MNAT1: variants seen among roughly 807,000 people sequenced by gnomAD.
The protein encoded by MNAT1 is CDK-activating kinase assembly factor MAT1.
In MNAT1, 43 loss-of-function variants were observed where a neutral mutation model predicts 42.0. That is an observed-to-expected ratio of 1.02 (90% CI 0.80 to 1.32). The LOEUF is 1.32. MNAT1 is among the 40% of genes most tolerant of loss of function. The pLI is 0.00. For missense variants in MNAT1, 306 were observed against 350.4 expected, an observed-to-expected ratio of 0.87 and a Z score of 1.01; for synonymous variants, 118 against 120.0, an observed-to-expected ratio of 0.98 and a Z score of 0.11.
At chr14:60,887,293 G>A (rs2034699620) in intron 7 of MNAT1, among the ~76,000 whole-genome samples, 1 of 151,280 alleles carries the variant, frequency 6.6e-6, no homozygotes, top group Non-Finnish European at 1.5e-5. Context: ...CAATGTGCAG[G>A]TTAGTTACAT....
At chr14:60,876,339 T>C (rs912368975) in intron 6 of MNAT1, among the ~76,000 whole-genome samples, 4 of 152,024 alleles carry the variant, frequency 2.6e-5, no homozygotes, top group African/African-American at 9.7e-5. Flanking sequence ...ACACTTTTTT[T>C]CTCTTTTTCC....
intron 6 of MNAT1, among the ~76,000 whole-genome samples, chr14:60,839,545 C>T (rs1418476993): frequency 6.6e-6 from 1 of 152,186 alleles, no homozygotes; most frequent in Non-Finnish European, 1.5e-5. Context: ...GTAACACAAA[C>T]AGGACTGAAA....
intron 6 of MNAT1, among the ~76,000 whole-genome samples, chr14:60,825,161 C>A (rs1208168579): frequency 1.3e-5 from 2 of 152,128 alleles, no homozygotes; most frequent in Admixed American, 6.6e-5. Flanking sequence ...ATAGCCAATC[C>A]TCAGCCTCAT....
intron 6 of MNAT1, among the ~76,000 whole-genome samples, chr14:60,831,787 C>T (rs918941092): frequency 4.6e-5 from 7 of 152,160 alleles, no homozygotes; most frequent in Non-Finnish European, 8.8e-5. Context: ...AATTTACACT[C>T]CCACCAACAG....
intron 7 of MNAT1, among the ~76,000 whole-genome samples, chr14:60,909,125 T>A (rs566031080): frequency 1.3e-5 from 2 of 152,370 alleles, no homozygotes; most frequent in South Asian, 4.1e-4. Context: ...TCTCTTCTTT[T>A]GAGAAGTGTG....
chr14:60,848,936 G>A (rs566825479), intron 6 of MNAT1, among the ~76,000 whole-genome samples: 2 of 152,256 alleles, frequency 1.3e-5, no homozygotes, highest in East Asian at 1.9e-4. Flanking sequence ...TCTGGACTAT[G>A]TCACTGTCAA....
chr14:60,935,994 G>A (rs987370735), intron 7 of MNAT1, among the ~76,000 whole-genome samples: 2 of 152,154 alleles, frequency 1.3e-5, no homozygotes, highest in African/African-American at 4.8e-5. Flanking sequence ...AGCACAGTGA[G>A]ATGGACTCCT....
At chr14:60,871,595 T>A (rs1335130537) in intron 6 of MNAT1, among the ~76,000 whole-genome samples, 1 of 152,080 alleles carries the variant, frequency 6.6e-6, no homozygotes, top group Non-Finnish European at 1.5e-5. Flanking sequence ...TTTAATTGGG[T>A]CATTTTGTCT....
At chr14:60,871,826 T>C (rs1461773970) in intron 6 of MNAT1, among the ~76,000 whole-genome samples, 16 of 152,112 alleles carry the variant, frequency 1.1e-4, no homozygotes, top group Non-Finnish European at 1.5e-5. Context: ...TTTCACCATG[T>C]CGGCCAGGCT....
At chr14:60,877,964 G>A (rs2034469711) in intron 6 of MNAT1, among the ~76,000 whole-genome samples, 1 of 151,926 alleles carries the variant, frequency 6.6e-6, no homozygotes, top group Non-Finnish European at 1.5e-5. Flanking sequence ...TGGTAAGTTA[G>A]TTTGATATCA....
intron 1 of MNAT1, among the ~76,000 whole-genome samples, chr14:60,771,253 A>G (rs2031043225): frequency 6.6e-6 from 1 of 152,052 alleles, no homozygotes; most frequent in South Asian, 2.1e-4. Context: ...AAAAAAATTC[A>G]GATGTGAAGT....
At chr14:60,834,948 C>G (rs1048100290) in intron 6 of MNAT1, among the ~76,000 whole-genome samples, 1 of 145,146 alleles carries the variant, frequency 6.9e-6, no homozygotes, top group African/African-American at 2.6e-5. Flanking sequence ...TTCCTTCCTT[C>G]CTTCCTTCCT....
intron 5 of MNAT1, among the ~76,000 whole-genome samples, chr14:60,818,413 T>C (rs2032780638): frequency 6.6e-6 from 1 of 152,058 alleles, no homozygotes; most frequent in Non-Finnish European, 1.5e-5. Context: ...TTATAGTACT[T>C]TGTACTACTC....
At chr14:60,843,431 C>T (rs796850246) in intron 6 of MNAT1, among the ~76,000 whole-genome samples, 13 of 152,092 alleles carry the variant, frequency 8.5e-5, no homozygotes, top group East Asian at 1.9e-4. Flanking sequence ...CCACCATGCC[C>T]GGCTAATTTT....
intron 4 of MNAT1, 63 bp downstream of exon 4, chr14:60,808,491 T>A: frequency 2.0e-6 from 2 of 1,001,004 alleles, no homozygotes; most frequent in Non-Finnish European, 2.9e-6. Context: ...CATGATACTT[T>A]AAAAAGCCAT....
In MNAT1 at chr14:60,734,799, G is replaced by A. The variant is rs1896254856; in HGVS notation, c.-64G>A. On this transcript the variant is annotated 5_prime_UTR_variant, in exon 1 of 8. Transcript: ENST00000261245. The surrounding 1 kb of genome is among the most constrained non-coding windows in gnomAD (Gnocchi z 4.3). The stretch of plus-strand genomic sequence containing the variant: ...TAGGAACCTGCTTGGTCGCGTCTGA[G>A]GGGGCTTGTAGGTGGCTCTGGCTGA... The A allele has an allele frequency of 5.3e-6, 8 of 1,508,980 alleles. No individual in the cohort carries two copies. The highest frequency in any genetic ancestry group is 4.5e-5 in the East Asian group (2 of 44,320). 93.5% of individuals were successfully genotyped at this position (1,508,980 alleles called of 1,614,324 possible). A position where few individuals can be genotyped will look rare whatever the true frequency, so the allele number is the denominator to read the frequency against.
intron 6 of MNAT1, among the ~76,000 whole-genome samples, chr14:60,863,253 T>C (rs1370824593): frequency 3.3e-5 from 5 of 152,226 alleles, no homozygotes; most frequent in African/African-American, 7.2e-5. Flanking sequence ...TGAAAAGATA[T>C]AACTAAGTAG....
rs1397437994 is a variant in MNAT1, at chr14:60,945,807, A to T, written c.810-22422A>T. On this transcript the variant is annotated intron_variant, in intron 7 of 7. Coordinates refer to ENST00000261245, the MANE Select transcript of MNAT1 (RefSeq NM_002431.4). ...CATTCAGGTATCATTTTGCACACAG[A>T]TACGGTGGCTTCTTCTCTCACATCC... Among the ~76,000 whole-genome samples, 2 of 152,168 alleles carry T rather than the reference A, an allele frequency of 1.3e-5. 1 individual carries two copies.
At chr14:60,893,907 GACC>G (rs2034896025) in intron 7 of MNAT1, among the ~76,000 whole-genome samples, 1 of 152,116 alleles carries the variant, frequency 6.6e-6, no homozygotes, top group Non-Finnish European at 1.5e-5. Context: ...GTCATAGGAG[GACC>G]TGTGTGCCTG....
Sources: allele counts gnomAD v4.1 joint callset (sites outside exome capture counted in the v4.1 genomes callset), GRCh38; gene constraint gnomAD v4.1.1; non-coding constraint Gnocchi (gnomAD v3.1); transcripts MANE v1.5; gene names NCBI Gene and HGNC (gene_info 2026-07-23, HGNC 2026-07-21).